The following SLC8A1 variants were observed in gnomAD, a reference collection of about 807,000 sequenced individuals.
The protein encoded by SLC8A1 is sodium/calcium exchanger 1.
A neutral mutation model predicts 68.3 loss-of-function variants in SLC8A1; 18 were observed. The observed-to-expected ratio is 0.26, with a 90% confidence interval of 0.18 to 0.39. The LOEUF is 0.39. SLC8A1 is among the 10% of genes least tolerant of loss of function. The pLI is 1.00. For synonymous variants in SLC8A1, 475 were observed against 415.5 expected (o/e 1.14, Z -1.74); for missense variants, 985 against 1,156.7 (o/e 0.85, Z 2.15).
chr2:40,400,779 G>A (rs1387110198), intron 2 of SLC8A1, among the ~76,000 whole-genome samples: 1 of 152,164 alleles, frequency 6.6e-6, no homozygotes, highest in Admixed American at 6.5e-5. Context: ...AGAGATTTTG[G>A]TGATGATGTC....
At chr2:40,229,604 A>T (rs980711393) in intron 2 of SLC8A1, among the ~76,000 whole-genome samples, 1 of 152,150 alleles carries the variant, frequency 6.6e-6, no homozygotes, top group Non-Finnish European at 1.5e-5. Flanking sequence ...AGCTCTTCAT[A>T]TTTTCACAAC....
At chr2:40,281,511 G>C (rs1471733318) in intron 2 of SLC8A1, among the ~76,000 whole-genome samples, 3 of 152,194 alleles carry the variant, frequency 2.0e-5, no homozygotes, top group Non-Finnish European at 4.4e-5. Context: ...CAGGGCTTGT[G>C]AGCTGTCTCA....
chr2:40,401,263 G>A (rs1342984989), intron 2 of SLC8A1, among the ~76,000 whole-genome samples: 2 of 152,134 alleles, frequency 1.3e-5, no homozygotes, highest in Non-Finnish European at 2.9e-5. Context: ...CGGAGAAACT[G>A]TACTTGTACC....
At chr2:40,428,337 G>A in intron 2 of SLC8A1, 136 bp downstream of exon 2, 1 of 1,366,368 alleles carries the variant, frequency 7.3e-7, no homozygotes, top group Non-Finnish European at 9.4e-7. Context: ...ATCTTGAAAG[G>A]GATCTTGTAT....
chr2:40,444,910 C>T (rs1359370682), intron 1 of SLC8A1, among the ~76,000 whole-genome samples: 1 of 152,180 alleles, frequency 6.6e-6, no homozygotes, highest in Admixed American at 6.5e-5. Context: ...CTCTGATCTT[C>T]GGTATATGCC....
intron 2 of SLC8A1, among the ~76,000 whole-genome samples, chr2:40,390,171 C>G (rs1274793213): frequency 6.6e-6 from 1 of 152,076 alleles, no homozygotes; most frequent in Non-Finnish European, 1.5e-5. Flanking sequence ...TTAGTAGAAA[C>G]TGTAATTGTT....
At chr2:40,303,271 G>A (rs955560126) in intron 2 of SLC8A1, among the ~76,000 whole-genome samples, 1 of 152,180 alleles carries the variant, frequency 6.6e-6, no homozygotes, top group African/African-American at 2.4e-5. Context: ...CTTTCCCAAA[G>A]AGGAGGAGAT....
At chr2:40,319,378 C>T (rs894996931) in intron 2 of SLC8A1, among the ~76,000 whole-genome samples, 1 of 152,044 alleles carries the variant, frequency 6.6e-6, no homozygotes, top group Non-Finnish European at 1.5e-5. Context: ...CACTTAATAT[C>T]ATCAGGGTTT....
intron 2 of SLC8A1, among the ~76,000 whole-genome samples, chr2:40,390,217 T>C (rs1167115499): frequency 6.6e-6 from 1 of 152,162 alleles, no homozygotes; most frequent in African/African-American, 2.4e-5. Flanking sequence ...TCACCTATCG[T>C]TTCCCGTACT....
At chr2:40,454,480 CTTTTTTTTT>C (rs543088073), upstream of SLC8A1, among the ~76,000 whole-genome samples, 1 of 119,540 alleles carries the variant, frequency 8.4e-6, no homozygotes, top group Non-Finnish European at 1.8e-5. Context: ...TGTCTTAAGA[CTTTTTTTTT>C]TTTTTTTTTT....
intron 2 of SLC8A1, among the ~76,000 whole-genome samples, chr2:40,238,808 T>A (rs450823): frequency 0.15 from 22,278 of 152,144 alleles, 2,010 homozygotes; most frequent in African/African-American, 0.24. Context: ...TGGAGGAAAT[T>A]AATGTATATC....
upstream of SLC8A1, among the ~76,000 whole-genome samples, chr2:40,454,508 C>A (rs1240533882): frequency 2.1e-5 from 3 of 144,158 alleles, no homozygotes; most frequent in South Asian, 6.5e-4. Flanking sequence ...TTGCTTTGAC[C>A]ATTGAAACTG....
intron 2 of SLC8A1, among the ~76,000 whole-genome samples, chr2:40,416,424 A>T (rs552673252): frequency 2.0e-5 from 3 of 152,248 alleles, no homozygotes; most frequent in East Asian, 3.9e-4. Context: ...TTTGGCAAAT[A>T]ACTTTACTTT....
intron 2 of SLC8A1, among the ~76,000 whole-genome samples, chr2:40,389,904 A>G (rs1334296642): frequency 6.6e-6 from 1 of 151,230 alleles, no homozygotes; most frequent in East Asian, 2.0e-4. Flanking sequence ...ACCAAAGCTA[A>G]TAAAATATTT....
rs1192491717 is a variant in SLC8A1, at chr2:40,394,363, C to T, written c.1808+34110G>A. On this transcript the variant is annotated intron_variant, in intron 2 of 7. Coordinates refer to ENST00000406785, the Ensembl canonical transcript of SLC8A1. ...CTAGTAAGATATTTGCTTTTTCTAA[C>T]GTGGATTCATCAGGGCACTGAAATT... is the stretch of plus-strand genomic sequence containing the variant. Among the ~76,000 whole-genome samples, 4 of 151,812 alleles carry T rather than the reference C, an allele frequency of 2.6e-5. No individual in the cohort carries two copies. The South Asian group carries it at 6.2e-4, about 24-fold the overall frequency.
intron 1 of SLC8A1, among the ~76,000 whole-genome samples, chr2:40,493,380 A>G (rs1705458640): frequency 6.6e-6 from 1 of 151,300 alleles, no homozygotes; most frequent in Non-Finnish European, 1.5e-5. Context: ...TAGCTTTAGG[A>G]GATATACCTA....
rs200158060 is a variant in SLC8A1, at chr2:40,493,493, T to TAATAA, written c.-25+18851_-25+18855dup. 6.9e-3 allele frequency among the ~76,000 whole-genome samples: 1,028 copies of TAATAA among 150,034 alleles called. 8 individuals are homozygous for TAATAA. Among genetic ancestry groups the TAATAA allele is most frequent in the African/African-American group, 0.017 (673 of 40,724 alleles). On this transcript the variant is annotated intron_variant, in intron 1 of 7. Coordinates refer to the SLC8A1 transcript ENST00000402441. ...CACATGTACCCTAAAACTTAAAGTA[T>TAATAA]AATAAAATAAAATAAAATAAAATAA...
rs549551328 is a variant in SLC8A1, at chr2:40,373,407, T to C, written c.1808+55066A>G. 1.2e-4 allele frequency among the ~76,000 whole-genome samples: 18 copies of C among 152,226 alleles called. No homozygotes were observed. The South Asian group carries it at 2.7e-3, about 23-fold the overall frequency. ...TCCCATGTTCAAAATTTACAGCCTA[T>C]AATTCAATGCCGATATGAATAATGA... On this transcript the variant is annotated intron_variant, in intron 2 of 7. Transcript: ENST00000406785.
intron 6 of SLC8A1, among the ~76,000 whole-genome samples, chr2:40,145,321 T>C (rs1272912933): frequency 6.6e-6 from 1 of 152,170 alleles, no homozygotes; most frequent in Non-Finnish European, 1.5e-5. Context: ...CAAGTTCTTA[T>C]TTCCATTTCT....
Sources: allele counts gnomAD v4.1 joint callset (sites outside exome capture counted in the v4.1 genomes callset), GRCh38; gene constraint gnomAD v4.1.1; transcripts MANE v1.5; gene names NCBI Gene and HGNC (gene_info 2026-07-23, HGNC 2026-07-21).